MMP26: variants seen among roughly 807,000 people sequenced by gnomAD.
MMP26 encodes matrix metallopeptidase 26, also known as matrix metalloproteinase-26.
MMP26 carries 33 observed loss-of-function variants against 31.0 expected under a neutral mutation model. That is an observed-to-expected ratio of 1.06 (90% CI 0.81 to 1.42). The LOEUF (loss-of-function observed/expected upper bound fraction) is 1.42, where lower values mean the gene tolerates loss of function less well. MMP26 is among the 40% of genes most tolerant of loss of function. The pLI, the probability that MMP26 is intolerant of heterozygous loss-of-function variation, is 0.00. For synonymous variants in MMP26, 122 were observed against 114.9 expected, an observed-to-expected ratio of 1.06 and a Z score of -0.40; for missense variants, 347 against 316.1, an observed-to-expected ratio of 1.10 and a Z score of -0.74.
chr11:4,875,560 C>T (rs996875423), intron 2 of MMP26: 1 of 152,026 alleles, frequency 6.6e-6, no homozygotes, highest in African/African-American at 2.4e-5. Context: ...TCCTTGTCTC[C>T]TGGTTCCCTT....
intron 2 of MMP26, among the ~76,000 whole-genome samples, chr11:4,822,893 T>C (rs1849529855): frequency 6.6e-6 from 1 of 152,180 alleles, no homozygotes; most frequent in Non-Finnish European, 1.5e-5. Flanking sequence ...AGGGGCTACC[T>C]AATGTAAATA....
intron 1 of MMP26, among the ~76,000 whole-genome samples, chr11:4,706,475 A>G (rs10768187): frequency 0.4 from 59,927 of 150,270 alleles, 12,241 homozygotes; most frequent in Middle Eastern, 0.48. Flanking sequence ...TTACTTGGCG[A>G]GCTGAGGCAG....
At chr11:4,914,886 T>A (rs755048253) in intron 2 of MMP26, 1 of 1,613,952 alleles carries the variant, frequency 6.2e-7, no homozygotes, top group African/African-American at 1.3e-5. Flanking sequence ...AGGCCAATCA[T>A]GGGAGTGTAG....
chr11:4,990,517 C>T (rs565359231), intron 4 of MMP26, 81 bp from the exon 5 acceptor site: 2 of 1,341,660 alleles, frequency 1.5e-6, no homozygotes, highest in African/African-American at 2.9e-5. Flanking sequence ...ATGATTCTCC[C>T]CAAAGTAGAA....
intron 2 of MMP26, among the ~76,000 whole-genome samples, chr11:4,905,554 G>A (rs1170645114): frequency 6.6e-6 from 1 of 152,054 alleles, no homozygotes; most frequent in Non-Finnish European, 1.5e-5. Flanking sequence ...TCTCTTGCAA[G>A]TTGAAGTTTA....
In MMP26 at chr11:4,924,056, C is replaced by G. The variant is rs746509500; in HGVS notation, c.-144-64012C>G. 42 of 1,613,932 alleles carry G rather than the reference C, an allele frequency of 2.6e-5. 1 individual carries two copies. The Middle Eastern group carries it at 4.9e-4, about 19-fold the overall frequency. On this transcript the variant is annotated intron_variant, in intron 2 of 7. Transcript: ENST00000380390. Reference sequence around the variant, plus strand: ...GAGCTGAGTGAAACAGGCAGGGATGCCAATCTCTCTGGTATCAAACCAGAA... The same window carrying G: ...GAGCTGAGTGAAACAGGCAGGGATGGCAATCTCTCTGGTATCAAACCAGAA...
At chr11:4,815,394 C>A (rs889420412) in intron 2 of MMP26, among the ~76,000 whole-genome samples, 2 of 152,030 alleles carry the variant, frequency 1.3e-5, no homozygotes, top group East Asian at 3.9e-4. Flanking sequence ...TCCTTGTGGG[C>A]AAATTGAGAG....
chr11:4,714,236 C>T (rs925649543), intron 1 of MMP26, among the ~76,000 whole-genome samples: 1 of 152,098 alleles, frequency 6.6e-6, no homozygotes, highest in Non-Finnish European at 1.5e-5. Flanking sequence ...TTGTGGGTGC[C>T]TAAGGAAAAT....
At chr11:4,767,000 G>A (rs528379993) in intron 1 of MMP26, among the ~76,000 whole-genome samples, 2 of 152,128 alleles carry the variant, frequency 1.3e-5, no homozygotes, top group African/African-American at 2.4e-5. Flanking sequence ...ATAAAAGTCA[G>A]AAAGTGTAGC....
intron 2 of MMP26, among the ~76,000 whole-genome samples, chr11:4,960,653 A>ATCGAAATC (rs1846508534): frequency 6.6e-6 from 1 of 152,104 alleles, no homozygotes; most frequent in Non-Finnish European, 1.5e-5. Flanking sequence ...ATCTCAAAAT[A>ATCGAAATC]TCAAAATCTC....
chr11:4,849,243 A>G (rs1357674587), intron 2 of MMP26: 1 of 1,557,378 alleles, frequency 6.4e-7, no homozygotes, highest in Non-Finnish European at 8.7e-7. Context: ...TGGAACCTGA[A>G]AAATGATTAG....
At chr11:4,925,619 G>A (rs867844571) in intron 2 of MMP26, among the ~76,000 whole-genome samples, 1 of 152,122 alleles carries the variant, frequency 6.6e-6, no homozygotes, top group Non-Finnish European at 1.5e-5. Context: ...GAAAAGGAAA[G>A]ATGGGGGGTC....
intron 2 of MMP26, among the ~76,000 whole-genome samples, chr11:4,868,970 G>T (rs1850275434): frequency 6.6e-6 from 1 of 152,142 alleles, no homozygotes; most frequent in Admixed American, 6.6e-5. Flanking sequence ...AGTGGGGAAA[G>T]GATTCCCTAT....
chr11:4,822,455 A>G (rs1440273638), intron 2 of MMP26: 2 of 1,332,266 alleles, frequency 1.5e-6, no homozygotes, highest in Non-Finnish European at 2.0e-6. Context: ...AAGTGCCCAC[A>G]CATGCCTCCA....
At chr11:4,870,040 G>A (rs1471297822) in intron 2 of MMP26, among the ~76,000 whole-genome samples, 1 of 152,166 alleles carries the variant, frequency 6.6e-6, no homozygotes, top group Non-Finnish European at 1.5e-5. Context: ...CTTGGACACA[G>A]GTTGGGGAAC....
chr11:4,939,831 G>A (rs1329277828), intron 2 of MMP26, among the ~76,000 whole-genome samples: 1 of 152,084 alleles, frequency 6.6e-6, no homozygotes, highest in South Asian at 2.1e-4. Context: ...CCAAGCCACA[G>A]ATAATGACAT....
intron 5 of MMP26, among the ~76,000 whole-genome samples, chr11:4,991,137 T>A (rs1414085234): frequency 6.6e-6 from 1 of 152,220 alleles, no homozygotes; most frequent in African/African-American, 2.4e-5. Flanking sequence ...GTCTAACTTG[T>A]AAGCTTTACT....
intron 2 of MMP26, among the ~76,000 whole-genome samples, chr11:4,965,474 G>A (rs1458046026): frequency 6.6e-6 from 1 of 152,156 alleles, no homozygotes; most frequent in Non-Finnish European, 1.5e-5. Context: ...GGTTAAGGAG[G>A]CTTAGATGAT....
chr11:4,920,668 G>C (rs553199200), intron 2 of MMP26, among the ~76,000 whole-genome samples: 8 of 152,250 alleles, frequency 5.3e-5, no homozygotes, highest in African/African-American at 1.7e-4. Flanking sequence ...AGGTAGTGTT[G>C]TGTGCAGTTC....
Sources: allele counts gnomAD v4.1 joint callset (sites outside exome capture counted in the v4.1 genomes callset), GRCh38; gene constraint gnomAD v4.1.1; transcripts MANE v1.5; gene names NCBI Gene and HGNC (gene_info 2026-07-23, HGNC 2026-07-21).